Variants in GALNT13 observed in about 807,000 individuals in gnomAD.
The protein encoded by GALNT13 is polypeptide N-acetylgalactosaminyltransferase 13.
Under a neutral mutation model 64.2 loss-of-function variants are expected in GALNT13, and 28 were observed. The ratio of observed to expected loss-of-function variants is 0.44; its 90% confidence interval spans 0.32 to 0.60. The LOEUF (loss-of-function observed/expected upper bound fraction) is 0.60, where lower values mean the gene tolerates loss of function less well. Among genes scored for constraint, GALNT13 ranks in the 20% least tolerant of loss-of-function variants. The pLI is 0.05. For synonymous variants in GALNT13, 214 were observed against 224.6 expected (o/e 0.95, Z 0.42); for missense variants, 577 against 669.8 (o/e 0.86, Z 1.53).
At chr2:153,117,758 T>G in the GALNT13 span, among the ~76,000 whole-genome samples, 2 of 152,182 alleles carry the variant, frequency 1.3e-5, no homozygotes, top group Non-Finnish European at 2.9e-5. Context: ...TTACCCTGTT[T>G]TTATCTAAAG....
chr2:153,897,941 C>T (rs1687988172), intron 1 of GALNT13, among the ~76,000 whole-genome samples: 1 of 140,884 alleles, frequency 7.1e-6, no homozygotes, highest in African/African-American at 2.6e-5. Context: ...GAAAAAAATG[C>T]CACCTCAAAT....
At chr2:154,405,584 TAA>T (rs71398312) in intron 10 of GALNT13, among the ~76,000 whole-genome samples, 21 of 133,966 alleles carry the variant, frequency 1.6e-4, no homozygotes, top group South Asian at 2.5e-4. Flanking sequence ...CCATCTCTTC[TAA>T]AAAAAAAAAA....
At chr2:153,791,070 C>G in the GALNT13 span, among the ~76,000 whole-genome samples, 1 of 152,024 alleles carries the variant, frequency 6.6e-6, no homozygotes, top group Non-Finnish European at 1.5e-5. Flanking sequence ...AACTTATCAA[C>G]AGATTAAATA....
the GALNT13 span, among the ~76,000 whole-genome samples, chr2:153,199,920 G>C: frequency 6.6e-6 from 1 of 152,164 alleles, no homozygotes; most frequent in Non-Finnish European, 1.5e-5. Context: ...TAAATAAATA[G>C]TACAGTGAAC....
the GALNT13 span, among the ~76,000 whole-genome samples, chr2:153,317,681 T>C: frequency 6.6e-5 from 10 of 152,128 alleles, no homozygotes; most frequent in African/African-American, 2.2e-4. Flanking sequence ...TTTAAAACTT[T>C]CAGTAAAGTG....
At chr2:153,392,627 T>C in the GALNT13 span, among the ~76,000 whole-genome samples, 2 of 152,046 alleles carry the variant, frequency 1.3e-5, no homozygotes, top group Non-Finnish European at 2.9e-5. Flanking sequence ...CAAAACTCCC[T>C]CTTCCTCTGG....
intron 9 of GALNT13, among the ~76,000 whole-genome samples, chr2:154,357,229 G>A (rs2105274526): frequency 6.6e-6 from 1 of 152,036 alleles, no homozygotes; most frequent in East Asian, 1.9e-4. Context: ...TAACTTTCTA[G>A]GAGAGTCAAA....
At chr2:154,034,327 A>T (rs1201366113) in intron 3 of GALNT13, among the ~76,000 whole-genome samples, 1 of 152,188 alleles carries the variant, frequency 6.6e-6, no homozygotes, top group East Asian at 1.9e-4. Flanking sequence ...AGGGTAACAA[A>T]CTACATTTTT....
At chr2:153,822,789 G>A in the GALNT13 span, among the ~76,000 whole-genome samples, 65 of 152,202 alleles carry the variant, frequency 4.3e-4, no homozygotes, top group Non-Finnish European at 6.5e-4. Flanking sequence ...CCAGGCAATA[G>A]AAAGAAATAA....
intron 3 of GALNT13, among the ~76,000 whole-genome samples, chr2:154,068,978 T>C (rs1399739800): frequency 1.3e-5 from 2 of 152,018 alleles, no homozygotes; most frequent in Non-Finnish European, 2.9e-5. Context: ...GTGATGATTA[T>C]GCATTGTGTG....
At chr2:153,982,881 T>G (rs1219642528) in intron 3 of GALNT13, among the ~76,000 whole-genome samples, 2 of 152,010 alleles carry the variant, frequency 1.3e-5, no homozygotes, top group Non-Finnish European at 1.5e-5. Context: ...TGGTATTTTC[T>G]CTGCCGTGGT....
the GALNT13 span, among the ~76,000 whole-genome samples, chr2:153,107,426 G>T: frequency 6.6e-6 from 1 of 152,114 alleles, no homozygotes; most frequent in Non-Finnish European, 1.5e-5. Context: ...AAAGGCCTGA[G>T]AATCTCTGTT....
At chr2:153,785,347 C>T in the GALNT13 span, among the ~76,000 whole-genome samples, 1 of 152,100 alleles carries the variant, frequency 6.6e-6, no homozygotes, top group African/African-American at 2.4e-5. Flanking sequence ...CAGGTTTGTG[C>T]CTCCCTGGAG....
chr2:154,172,347 T>A (rs1243952024), intron 4 of GALNT13, among the ~76,000 whole-genome samples: 1 of 151,994 alleles, frequency 6.6e-6, no homozygotes, highest in African/African-American at 2.4e-5. Flanking sequence ...TACATTATTT[T>A]AAACTATTAT....
At chr2:154,157,666 G>T (rs918109479) in intron 4 of GALNT13, among the ~76,000 whole-genome samples, 1 of 152,082 alleles carries the variant, frequency 6.6e-6, no homozygotes, top group Admixed American at 6.5e-5. Context: ...TGAAAGAGTT[G>T]GCTGTCACTC....
At position 154,092,075 on chromosome 2, in the gene GALNT13, GAAA is replaced by G. The variant is rs58406719; in HGVS notation, c.143-48238_143-48236del. 9.9e-3 allele frequency among the ~76,000 whole-genome samples: 740 copies of G among 74,500 alleles called. 6 individuals are homozygous for G. Among genetic ancestry groups the G allele is most frequent in the African/African-American group, 0.035 (684 of 19,454 alleles). 48.9% of individuals were successfully genotyped at this position (74,500 alleles called of 152,430 possible). On this transcript the variant is annotated intron_variant, in intron 3 of 12. Coordinates refer to ENST00000392825, the MANE Select transcript of GALNT13 (RefSeq NM_052917.4). ...AGAGGCATTTCATGCTTCATGTCTG[GAAA>G]AAAAAAAAAAAAAAAAAAAAAAAGC...
chr2:153,525,599 A>G, the GALNT13 span, among the ~76,000 whole-genome samples: 6 of 152,156 alleles, frequency 3.9e-5, no homozygotes, highest in Admixed American at 3.9e-4. Context: ...TTCACATGCA[A>G]GGGATCCAGG....
the GALNT13 span, among the ~76,000 whole-genome samples, chr2:153,137,082 T>A: frequency 6.6e-6 from 1 of 152,064 alleles, no homozygotes; most frequent in Non-Finnish European, 1.5e-5. Context: ...TGGATCTGGA[T>A]GTGTTTATTT....
At chr2:153,167,955 C>T in the GALNT13 span, among the ~76,000 whole-genome samples, 1 of 152,164 alleles carries the variant, frequency 6.6e-6, no homozygotes, top group Admixed American at 6.5e-5. Flanking sequence ...GAAACCAAGT[C>T]CTAACTGGTA....
Sources: gnomAD v4.1 joint callset for allele counts (sites outside exome capture counted in the v4.1 genomes callset) on GRCh38, gnomAD v4.1.1 for gene constraint, MANE v1.5 for transcripts, NCBI Gene and HGNC (gene_info 2026-07-23, HGNC 2026-07-21) for gene names.